PXDNL: variants seen among roughly 807,000 people sequenced by gnomAD.
The protein encoded by PXDNL is peroxidasin like, also known as probable oxidoreductase PXDNL.
PXDNL carries 145 observed loss-of-function variants against 150.8 expected under a neutral mutation model. That is an observed-to-expected ratio of 0.96 (90% confidence interval 0.84 to 1.10). The LOEUF is 1.10. Among genes scored for constraint, PXDNL ranks in the 50% least tolerant of loss-of-function variants. The probability of loss-of-function intolerance (pLI) is 0.00; values close to 1 mark genes in which losing one functional copy is unlikely to be tolerated. For synonymous variants in PXDNL, 757 were observed against 725.7 expected (o/e 1.04, Z -0.69); for missense variants, 2,087 against 1,873.9 (o/e 1.11, Z -2.10).
At chr8:51,786,242 CTT>C (rs1249516571) in intron 1 of PXDNL, among the ~76,000 whole-genome samples, 3 of 151,826 alleles carry the variant, frequency 2.0e-5, no homozygotes, top group African/African-American at 2.4e-5. Flanking sequence ...GAGTTTCACT[CTT>C]GTTGCCCCGG....
intron 1 of PXDNL, among the ~76,000 whole-genome samples, chr8:51,794,628 C>T (rs1411292830): frequency 6.6e-6 from 1 of 152,138 alleles, no homozygotes; most frequent in Non-Finnish European, 1.5e-5. Flanking sequence ...TTCATCACCA[C>T]CAGGCCTGCC....
At chr8:51,759,328 G>A (rs16916783) in intron 1 of PXDNL, among the ~76,000 whole-genome samples, 3,889 of 152,196 alleles carry the variant, frequency 0.026, 175 homozygotes, top group African/African-American at 0.088. Context: ...CACCTTCTCT[G>A]GCAGGCCAGC....
At chr8:51,639,237 C>G (rs932329690) in intron 2 of PXDNL, among the ~76,000 whole-genome samples, 6 of 152,092 alleles carry the variant, frequency 3.9e-5, no homozygotes, top group Non-Finnish European at 8.8e-5. Flanking sequence ...TAAATGCCCA[C>G]AAGAGAAAGC....
intron 21 of PXDNL, among the ~76,000 whole-genome samples, chr8:51,326,573 A>G (rs1241751225): frequency 6.6e-6 from 1 of 152,230 alleles, no homozygotes; most frequent in African/African-American, 2.4e-5. Flanking sequence ...TAGAATTCTC[A>G]TTAGACACTA....
rs772958679 is a variant in PXDNL at position 51,339,757 on chromosome 8, T to C, written c.4017-4A>G. 2 of 1,586,716 alleles carry C rather than the reference T, an allele frequency of 1.3e-6. No individual in the cohort carries two copies. The highest frequency in any genetic ancestry group is 1.7e-6 in the Non-Finnish European group (2 of 1,170,888). On this transcript the variant is annotated splice_region_variant and splice_polypyrimidine_tract_variant and intron_variant, in intron 20 of 22. Transcript: ENST00000356297. ...CACATATATTTTATCTTGTTGCCTA[T>C]TTATAACAAGAAGCAAATAAAATGC... is the stretch of plus-strand genomic sequence containing the variant.
chr8:51,392,051 A>C (rs1469541295), intron 17 of PXDNL, among the ~76,000 whole-genome samples: 3 of 152,072 alleles, frequency 2.0e-5, no homozygotes, highest in African/African-American at 7.2e-5. Context: ...ATAGTTGTAG[A>C]TATGTGACGT....
intron 2 of PXDNL, among the ~76,000 whole-genome samples, chr8:51,603,717 G>T (rs1234938006): frequency 2.0e-5 from 3 of 151,994 alleles, no homozygotes; most frequent in African/African-American, 7.2e-5. Context: ...AATAATAGTA[G>T]ATAATATGTC....
At chr8:51,419,351 G>C (rs1231482644) in intron 14 of PXDNL, among the ~76,000 whole-genome samples, 1 of 152,102 alleles carries the variant, frequency 6.6e-6, no homozygotes, top group Non-Finnish European at 1.5e-5. Flanking sequence ...TTTTATCACA[G>C]ACATGCTATA....
chr8:51,389,914 G>C (rs895725624), intron 17 of PXDNL, among the ~76,000 whole-genome samples: 10 of 152,016 alleles, frequency 6.6e-5, no homozygotes, highest in African/African-American at 2.4e-4. Context: ...CCCCATAATG[G>C]AACAGGCAAG....
At position 51,319,719 on chromosome 8, in the gene PXDNL, T is replaced by C. The variant is rs1338218326; in HGVS notation, c.*172A>G. ...TAGTTTTGAATTATTTCAAGGTATG[T>C]TAGAAAATGAAAAAATAAAAGATCG... is the stretch of plus-strand genomic sequence containing the variant. On this transcript the variant is annotated 3_prime_UTR_variant, in exon 23 of 23. Coordinates refer to ENST00000356297, the MANE Select transcript of PXDNL (RefSeq NM_144651.5). 7 of 442,850 alleles carry C rather than the reference T, an allele frequency of 1.6e-5. No individual in the cohort carries two copies. Among genetic ancestry groups the C allele is most frequent in the Admixed American group, 4.4e-5 (1 of 22,488 alleles). The allele number at this position is 442,850 out of a possible 1,614,324, so 27.4% of individuals were successfully genotyped here. A position where few individuals can be genotyped will look rare whatever the true frequency, so the allele number is the denominator to read the frequency against.
intron 1 of PXDNL, among the ~76,000 whole-genome samples, chr8:51,695,493 C>T (rs775163282): frequency 3.9e-5 from 6 of 151,942 alleles, no homozygotes; most frequent in Non-Finnish European, 8.8e-5. Context: ...CACACACGCA[C>T]GCACGCATAC....
At chr8:51,771,129 C>T (rs2037288564) in intron 1 of PXDNL, among the ~76,000 whole-genome samples, 2 of 152,106 alleles carry the variant, frequency 1.3e-5, no homozygotes, top group African/African-American at 4.8e-5. Flanking sequence ...GTTTGATTTT[C>T]AAAAATATGT....
intron 14 of PXDNL, among the ~76,000 whole-genome samples, chr8:51,419,100 A>C (rs1057060401): frequency 6.6e-6 from 1 of 152,148 alleles, no homozygotes; most frequent in Non-Finnish European, 1.5e-5. Context: ...ATATGTTCAA[A>C]ATCAGTTTTT....
chr8:51,515,441 A>G (rs1585541309), intron 4 of PXDNL, among the ~76,000 whole-genome samples: 1 of 152,168 alleles, frequency 6.6e-6, no homozygotes, highest in East Asian at 1.9e-4. Flanking sequence ...CCCGGCATCC[A>G]TGTTCTCCAG....
intron 3 of PXDNL, among the ~76,000 whole-genome samples, chr8:51,572,581 T>C (rs1812969541): frequency 6.6e-6 from 1 of 151,940 alleles, no homozygotes. Context: ...ATTTAATAAG[T>C]ATAGTTTTTG....
intron 8 of PXDNL, among the ~76,000 whole-genome samples, chr8:51,459,534 G>A (rs1810016666): frequency 6.6e-6 from 1 of 152,130 alleles, no homozygotes; most frequent in African/African-American, 2.4e-5. Flanking sequence ...ATATAAAACA[G>A]GCAGTAGCAC....
At chr8:51,350,663 A>G (rs752936858) in intron 19 of PXDNL, among the ~76,000 whole-genome samples, 8 of 152,064 alleles carry the variant, frequency 5.3e-5, no homozygotes, top group Non-Finnish European at 1.2e-4. Flanking sequence ...CCGCAAATGC[A>G]GCTTCTACCT....
chr8:51,496,654 G>C (rs962391775), intron 5 of PXDNL, among the ~76,000 whole-genome samples: 1 of 152,136 alleles, frequency 6.6e-6, no homozygotes, highest in Non-Finnish European at 1.5e-5. Flanking sequence ...CAGACAAACA[G>C]AGAGCCAAAT....
chr8:51,658,834 G>C (rs1377001526), intron 1 of PXDNL, among the ~76,000 whole-genome samples: 1 of 151,952 alleles, frequency 6.6e-6, no homozygotes, highest in Non-Finnish European at 1.5e-5. Flanking sequence ...AGGTATTTTT[G>C]TCTAACTTCT....
Sources: allele counts gnomAD v4.1 joint callset (sites outside exome capture counted in the v4.1 genomes callset), GRCh38; gene constraint gnomAD v4.1.1; transcripts MANE v1.5; gene names NCBI Gene and HGNC (gene_info 2026-07-23, HGNC 2026-07-21).